Variants in DLGAP2 observed in about 807,000 individuals in gnomAD.
DLGAP2 encodes disks large-associated protein 2.
A neutral mutation model predicts 100.3 loss-of-function variants in DLGAP2; 26 were observed. The observed-to-expected ratio is 0.26, with a 90% CI of 0.19 to 0.36. The LOEUF (loss-of-function observed/expected upper bound fraction) is 0.36. DLGAP2 is among the 10% of genes least tolerant of loss of function. DLGAP2 has a pLI of 1.00. For synonymous variants in DLGAP2, 886 were observed against 630.1 expected, an observed-to-expected ratio of 1.41 and a Z score of -6.08; for missense variants, 1,858 against 1,453.2, an observed-to-expected ratio of 1.28 and a Z score of -4.53.
At chr8:1,301,832 G>A (rs994359131) in intron 3 of DLGAP2, 1 of 152,356 alleles carries the variant, frequency 6.6e-6, no homozygotes, top group African/African-American at 2.4e-5. Context: ...CCTCCAGGAA[G>A]GGCTGTGACC....
At chr8:982,883 ATTTTTT>A (rs35686773) in intron 2 of DLGAP2, among the ~76,000 whole-genome samples, 54 of 117,334 alleles carry the variant, frequency 4.6e-4, no homozygotes, top group Non-Finnish European at 3.7e-4. Context: ...TAAAGGTAGG[ATTTTTT>A]TTTTTTTTTT....
intron 2 of DLGAP2, among the ~76,000 whole-genome samples, chr8:1,224,379 C>G (rs1182389576): frequency 6.6e-6 from 1 of 152,162 alleles, no homozygotes; most frequent in Admixed American, 6.5e-5. Flanking sequence ...ACAGAGCCTG[C>G]TTGGCAGATA....
intron 5 of DLGAP2, among the ~76,000 whole-genome samples, chr8:1,554,109 A>T (rs1401222680): frequency 6.6e-6 from 1 of 152,092 alleles, no homozygotes; most frequent in African/African-American, 2.4e-5. Context: ...CCAAAATGGC[A>T]AAACCCTGTT....
intron 2 of DLGAP2, among the ~76,000 whole-genome samples, chr8:1,130,879 C>T (rs1796278825): frequency 7.1e-6 from 1 of 140,004 alleles, no homozygotes; most frequent in Admixed American, 8.3e-5. Context: ...ATAGCATGAC[C>T]CCTAGCTCGG....
At chr8:1,655,741 G>A (rs141381502) in intron 8 of DLGAP2, among the ~76,000 whole-genome samples, 42 of 152,304 alleles carry the variant, frequency 2.8e-4, no homozygotes, top group African/African-American at 8.9e-4. Flanking sequence ...TCTCCTCCAC[G>A]AGGTTGGCTA....
intron 6 of DLGAP2, chr8:1,622,036 T>G (rs573998549): frequency 6.6e-6 from 1 of 152,254 alleles, no homozygotes; most frequent in African/African-American, 2.4e-5. Context: ...ATCCAGTCAT[T>G]AATTGTGATA....
chr8:1,531,478 A>T (rs953741823), intron 4 of DLGAP2, among the ~76,000 whole-genome samples: 1 of 152,036 alleles, frequency 6.6e-6, no homozygotes, highest in African/African-American at 2.4e-5. Flanking sequence ...ATTAATTTGT[A>T]TTTTCATGTC....
chr8:1,090,830 A>G (rs116411790), intron 2 of DLGAP2, among the ~76,000 whole-genome samples: 1,733 of 152,324 alleles, frequency 0.011, 38 homozygotes, highest in African/African-American at 0.04. Context: ...GAGGACTCTT[A>G]TTGATGGAGA....
At chr8:762,080 C>G (rs184122058) in intron 1 of DLGAP2, among the ~76,000 whole-genome samples, 2 of 152,284 alleles carry the variant, frequency 1.3e-5, no homozygotes, top group Admixed American at 1.3e-4. Context: ...AAAGGCTGTG[C>G]TATGTAACTG....
chr8:1,261,383 A>T (rs62483872), intron 3 of DLGAP2, among the ~76,000 whole-genome samples: 1 of 123,574 alleles, frequency 8.1e-6, no homozygotes, highest in South Asian at 2.8e-4. Flanking sequence ...GATCTTTAAA[A>T]TGAGACAGAC....
At chr8:1,114,804 T>C (rs567603351) in intron 2 of DLGAP2, among the ~76,000 whole-genome samples, 1 of 152,356 alleles carries the variant, frequency 6.6e-6, no homozygotes, top group Non-Finnish European at 1.5e-5. Context: ...TAATTTGAGA[T>C]CTTTCCAACT....
Position 1,669,237 on chromosome 8 carries a change from A to G in DLGAP2, c.2161-506A>G, listed in dbSNP as rs538367757. ...ACAGATGTTGCATCCATGGTTTCAG[A>G]CCACAGACGGTTGACCCGCCGTCCA... On this transcript the variant is annotated intron_variant, in intron 9 of 14. Coordinates refer to ENST00000637795, the MANE Select transcript of DLGAP2 (RefSeq NM_001346810.2). 1.6e-4 allele frequency among the ~76,000 whole-genome samples: 25 copies of G among 152,252 alleles called. No homozygotes were observed. In the East Asian group the frequency reaches 4.8e-3, roughly 30 times the overall value.
intron 6 of DLGAP2, among the ~76,000 whole-genome samples, chr8:1,613,758 G>C (rs1797059808): frequency 6.6e-6 from 1 of 152,140 alleles, no homozygotes; most frequent in Non-Finnish European, 1.5e-5. Flanking sequence ...TACTGCTTCG[G>C]ACAGATGTAG....
chr8:759,048 C>A (rs1487695055), intron 1 of DLGAP2, among the ~76,000 whole-genome samples: 85 of 146,794 alleles, frequency 5.8e-4, no homozygotes, highest in Middle Eastern at 3.7e-3. Context: ...ATTATCAATA[C>A]CCCCCACAAC....
chr8:778,460 T>TC (rs1372613660), intron 1 of DLGAP2, among the ~76,000 whole-genome samples: 1 of 152,196 alleles, frequency 6.6e-6, no homozygotes. Flanking sequence ...TTCTGTTTTT[T>TC]CCCCATCTTT....
At chr8:1,376,931 G>A (rs974825070) in intron 3 of DLGAP2, among the ~76,000 whole-genome samples, 2 of 152,230 alleles carry the variant, frequency 1.3e-5, no homozygotes, top group Admixed American at 6.5e-5. Flanking sequence ...TTCTGCAGAC[G>A]CAGTTCTGAA....
intron 1 of DLGAP2, among the ~76,000 whole-genome samples, chr8:805,426 C>T (rs550721289): frequency 2.6e-5 from 4 of 152,170 alleles, no homozygotes; most frequent in African/African-American, 4.8e-5. Flanking sequence ...GGGGCCACTA[C>T]GTTTTTATGT....
intron 1 of DLGAP2, among the ~76,000 whole-genome samples, chr8:820,212 A>G (rs528497450): frequency 6.6e-6 from 1 of 152,254 alleles, no homozygotes; most frequent in Non-Finnish European, 1.5e-5. Flanking sequence ...AGTTTTAAAC[A>G]TGTTAAATAT....
intron 6 of DLGAP2, among the ~76,000 whole-genome samples, chr8:1,582,785 CAA>C (rs1044933224): frequency 3.3e-5 from 5 of 152,130 alleles, no homozygotes; most frequent in African/African-American, 9.7e-5. Flanking sequence ...TTAGTAGAGA[CAA>C]GAGTTTCACC....
Sources: gnomAD v4.1 joint callset for allele counts (sites outside exome capture counted in the v4.1 genomes callset) on GRCh38, gnomAD v4.1.1 for gene constraint, MANE v1.5 for transcripts, NCBI Gene and HGNC (gene_info 2026-07-23, HGNC 2026-07-21) for gene names.